The following GABRA6 variants were observed in gnomAD, a reference collection of about 807,000 sequenced individuals.
GABRA6 encodes the protein gamma-aminobutyric acid receptor subunit alpha-6.
GABRA6 carries 45 observed loss-of-function variants against 47.3 expected under a neutral mutation model. The observed-to-expected ratio is 0.95, with a 90% CI of 0.75 to 1.22. GABRA6 has a LOEUF of 1.22. GABRA6 is among the 50% of genes most tolerant of loss of function. GABRA6 has a pLI of 0.00. For missense variants in GABRA6, 583 were observed against 549.3 expected, an observed-to-expected ratio of 1.06 and a Z score of -0.61; for synonymous variants, 219 against 194.7, an observed-to-expected ratio of 1.12 and a Z score of -1.04.
intron 3 of GABRA6, among the ~76,000 whole-genome samples, chr5:161,688,325 T>C (rs1203546079): frequency 6.6e-6 from 1 of 152,200 alleles, no homozygotes; most frequent in Non-Finnish European, 1.5e-5. Flanking sequence ...TTCTTAAACA[T>C]TTTAATGCTA....
intron 8 of GABRA6, 115 bp downstream of exon 8, chr5:161,692,315 G>T: frequency 3.2e-6 from 4 of 1,240,162 alleles, no homozygotes; most frequent in Non-Finnish European, 4.7e-6. Context: ...TTATATAACT[G>T]TAGTTTCAAG....
At chr5:161,696,294 A>G (rs973113258) in intron 8 of GABRA6, among the ~76,000 whole-genome samples, 1 of 151,950 alleles carries the variant, frequency 6.6e-6, no homozygotes, top group Non-Finnish European at 1.5e-5. Flanking sequence ...CTATGTAGAG[A>G]GATGTGAAGA....
chr5:161,687,711 T>G (rs1215306309), intron 3 of GABRA6: 9 of 184,814 alleles, frequency 4.9e-5, no homozygotes, highest in Non-Finnish European at 8.1e-5. Context: ...GGTTCACCAT[T>G]AGATTTTATT....
chr5:161,701,375 T>C, intron 8 of GABRA6, 123 bp from the exon 9 acceptor site: 1 of 1,051,386 alleles, frequency 9.5e-7, no homozygotes, highest in Non-Finnish European at 1.5e-6. Context: ...TTCATTGATG[T>C]TTGACCTTAC....
In GABRA6 at chr5:161,701,441, G is replaced by A; in HGVS notation, c.1087-57G>A. On this transcript the variant is annotated intron_variant, in intron 8 of 8. Transcript: ENST00000274545. ...CAATGGTGAAAGAGTGAATAAATAAGCAATTAAGCAATATCTATTCTTTCA... is the reference window on the plus strand; with the variant it reads ...CAATGGTGAAAGAGTGAATAAATAAACAATTAAGCAATATCTATTCTTTCA... The A allele has an allele frequency of 2.6e-6, 4 of 1,548,296 alleles. No individual in the cohort carries two copies. The South Asian group carries it at 3.3e-5, about 13-fold the overall frequency.
chr5:161,688,838 T>C lies in GABRA6; in HGVS notation c.226-111T>C, dbSNP rs116707348. The C allele has an allele frequency of 4.0e-3, 3,394 of 858,648 alleles. 55 individuals carry two copies. The highest frequency in any genetic ancestry group is 0.035 in the African/African-American group (2,092 of 59,824). 53.2% of individuals were successfully genotyped at this position (858,648 alleles called of 1,614,324 possible). A position where few individuals can be genotyped will look rare whatever the true frequency, so the allele number is the denominator to read the frequency against. On this transcript the variant is annotated intron_variant, in intron 3 of 8. Coordinates refer to ENST00000274545, the MANE Select transcript of GABRA6 (RefSeq NM_000811.3). ...ATAGCTTTGTGAGAAATTATTGCGA[T>C]AAAAAGTTGCTTTATTGCTTAAGTT...
In GABRA6 at chr5:161,688,403, T is replaced by C. The variant is rs146409021; in HGVS notation, c.226-546T>C. Among the ~76,000 whole-genome samples the C allele has an allele frequency of 4.4e-4, 67 of 152,298 alleles. 1 individual carries two copies. The highest frequency in any genetic ancestry group is 6.5e-4 in the Non-Finnish European group (44 of 68,014). Reference sequence around the variant, plus strand: ...TACTTAAATGATACCCTCTTTAGAATAGTCACGGTAACACTTGTTTATATG... The same window carrying C: ...TACTTAAATGATACCCTCTTTAGAACAGTCACGGTAACACTTGTTTATATG... On this transcript the variant is annotated intron_variant, in intron 3 of 8. Coordinates refer to ENST00000274545, the MANE Select transcript of GABRA6 (RefSeq NM_000811.3).
chr5:161,697,141 G>A (rs1754899638), intron 8 of GABRA6, among the ~76,000 whole-genome samples: 1 of 152,176 alleles, frequency 6.6e-6, no homozygotes, highest in Admixed American at 6.5e-5. Context: ...CCTAAAGCAG[G>A]ATGGCACTCA....
intron 8 of GABRA6, 88 bp downstream of exon 8, chr5:161,692,288 T>C (rs1264545387): frequency 1.3e-6 from 2 of 1,507,944 alleles, no homozygotes; most frequent in South Asian, 1.1e-5. Context: ...CCAAAAGTAA[T>C]GTGAGTTGAG....
chr5:161,697,909 T>A (rs995253344), intron 8 of GABRA6, among the ~76,000 whole-genome samples: 3 of 152,166 alleles, frequency 2.0e-5, no homozygotes, highest in African/African-American at 7.2e-5. Flanking sequence ...AATATGACAT[T>A]GTGGATTTTT....
intron 8 of GABRA6, among the ~76,000 whole-genome samples, chr5:161,697,329 A>G (rs955122722): frequency 6.6e-6 from 1 of 152,224 alleles, no homozygotes; most frequent in Non-Finnish European, 1.5e-5. Context: ...TAAACGGCTC[A>G]CAAAATTTGC....
rs577626277 is a variant in GABRA6 at position 161,701,778 on chromosome 5, C to T, written c.*5C>T. ...GTCAGTAGCAGTGTTGAATAGCTTG[C>T]GGCCAGGACAACCTGAATTCTATAA... On this transcript the variant is annotated 3_prime_UTR_variant, in exon 9 of 9. Coordinates refer to ENST00000274545, the MANE Select transcript of GABRA6 (RefSeq NM_000811.3). 21 of 1,613,766 alleles carry T rather than the reference C, an allele frequency of 1.3e-5. No individual in the cohort carries two copies. The highest frequency in any genetic ancestry group is 8.3e-5 in the Admixed American group (5 of 60,012).
Position 161,698,541 on chromosome 5 carries a change from T to G in GABRA6, c.1087-2957T>G, listed in dbSNP as rs142230855. On this transcript the variant is annotated intron_variant, in intron 8 of 8. Transcript: ENST00000274545. ...AAAAAAATATGTACATATGTATATGTGTATATATATACACATATATATGTT... is the reference window on the plus strand; with the variant it reads ...AAAAAAATATGTACATATGTATATGGGTATATATATACACATATATATGTT... Among the ~76,000 whole-genome samples, 214 of 152,134 alleles carry G rather than the reference T, an allele frequency of 1.4e-3. 4 individuals are homozygous for G. In the East Asian group the frequency reaches 0.02, roughly 14 times the overall value.
intron 1 of GABRA6, 87 bp downstream of exon 1, chr5:161,686,114 C>A: frequency 1.4e-6 from 2 of 1,429,680 alleles, no homozygotes; most frequent in Non-Finnish European, 9.9e-7. Context: ...TATATCAAAT[C>A]ATGAAAGAGG....
intron 8 of GABRA6, among the ~76,000 whole-genome samples, chr5:161,695,795 T>C (rs1754875592): frequency 6.6e-6 from 1 of 152,198 alleles, no homozygotes; most frequent in Non-Finnish European, 1.5e-5. Flanking sequence ...TTGATTGCAT[T>C]ATTTATTCAT....
At chr5:161,689,845 T>C in intron 6 of GABRA6, 66 bp downstream of exon 6, 2 of 1,479,820 alleles carry the variant, frequency 1.4e-6, no homozygotes, top group Non-Finnish European at 1.9e-6. Context: ...TTTCAAAATA[T>C]CTATTTCTTT....
chr5:161,689,792 C>G lies in GABRA6; in HGVS notation c.673+13C>G, dbSNP rs183133713. On this transcript the variant is annotated intron_variant, in intron 6 of 8. Coordinates refer to ENST00000274545, the MANE Select transcript of GABRA6 (RefSeq NM_000811.3). ...AAATCTAACACAGGTAAGAATTTGA[C>G]CAAAGGATGGAAATAATCCCTCAGG... 2.8e-5 allele frequency: 45 copies of G among 1,609,408 alleles called. No homozygotes were observed. The African/African-American group carries it at 5.3e-4, about 19-fold the overall frequency.
intron 5 of GABRA6, 25 bp downstream of exon 5, chr5:161,689,361 G>A (rs1754754502): frequency 6.4e-7 from 1 of 1,573,708 alleles, no homozygotes; most frequent in Non-Finnish European, 8.7e-7. Context: ...GCTTCTGAGA[G>A]TCAAATAATA....
chr5:161,686,516 C>T (rs983597814), intron 2 of GABRA6, among the ~76,000 whole-genome samples, 168 bp downstream of exon 2: 1 of 152,120 alleles, frequency 6.6e-6, no homozygotes, highest in Admixed American at 6.6e-5. Context: ...CCATTAGTAG[C>T]CTTGTTCAAG....
Sources: gnomAD v4.1 joint callset for allele counts (sites outside exome capture counted in the v4.1 genomes callset) on GRCh38, gnomAD v4.1.1 for gene constraint, MANE v1.5 for transcripts, NCBI Gene and HGNC (gene_info 2026-07-23, HGNC 2026-07-21) for gene names.